COG5: variants seen among roughly 807,000 people sequenced by gnomAD.
The protein encoded by COG5 is component of oligomeric golgi complex 5.
A neutral mutation model predicts 110.4 loss-of-function variants in COG5; 86 were observed. The observed-to-expected ratio is 0.78, with a 90% CI of 0.65 to 0.93. The LOEUF is 0.93. Among genes scored for constraint, COG5 ranks in the 40% least tolerant of loss-of-function variants. The pLI is 0.00. For missense variants in COG5, 1,077 were observed against 987.0 expected (o/e 1.09, Z -1.22); for synonymous variants, 360 against 334.6 (o/e 1.08, Z -0.83).
intron 6 of COG5, among the ~76,000 whole-genome samples, chr7:107,455,858 A>C (rs1795634349): frequency 6.6e-6 from 1 of 150,878 alleles, no homozygotes; most frequent in African/African-American, 2.4e-5. Flanking sequence ...CACTGGTGCT[A>C]TCTCTGCACA....
intron 2 of COG5, among the ~76,000 whole-genome samples, chr7:107,555,846 T>C (rs766497082): frequency 6.6e-6 from 1 of 152,016 alleles, no homozygotes; most frequent in Non-Finnish European, 1.5e-5. Flanking sequence ...ATCCTGTCTC[T>C]ACTAAAAATA....
At chr7:107,495,565 T>C (rs952737848) in intron 6 of COG5, among the ~76,000 whole-genome samples, 2 of 152,040 alleles carry the variant, frequency 1.3e-5, no homozygotes, top group Non-Finnish European at 2.9e-5. Flanking sequence ...TGAGATAACA[T>C]GATCCATATG....
intron 6 of COG5, among the ~76,000 whole-genome samples, chr7:107,473,517 A>G (rs1440992548): frequency 6.6e-6 from 1 of 151,980 alleles, no homozygotes; most frequent in Non-Finnish European, 1.5e-5. Context: ...CAACATGGAT[A>G]AAGCATCTTA....
intron 19 of COG5, among the ~76,000 whole-genome samples, chr7:107,225,894 T>G (rs577766205): frequency 2.0e-5 from 3 of 152,164 alleles, no homozygotes; most frequent in Admixed American, 1.3e-4. Flanking sequence ...AATACAAAAA[T>G]TTGCCGGGCA....
chr7:107,272,097 T>C, intron 14 of COG5, among the ~76,000 whole-genome samples: 1 of 152,114 alleles, frequency 6.6e-6, no homozygotes, highest in East Asian at 1.9e-4. Flanking sequence ...TATTAGAGCA[T>C]TTTCCCAGAA....
At chr7:107,221,122 C>G (rs1361248779) in intron 19 of COG5, among the ~76,000 whole-genome samples, 1 of 151,946 alleles carries the variant, frequency 6.6e-6, no homozygotes, top group African/African-American at 2.4e-5. Context: ...TGGCTTCATG[C>G]CCTCACTTCT....
chr7:107,307,112 A>G (rs1464556952), intron 11 of COG5, among the ~76,000 whole-genome samples: 2 of 152,210 alleles, frequency 1.3e-5, no homozygotes, highest in Non-Finnish European at 2.9e-5. Context: ...GCTCCTTGTA[A>G]TAACAGTCTG....
intron 15 of COG5, among the ~76,000 whole-genome samples, chr7:107,256,995 C>T (rs1802939031): frequency 6.6e-6 from 1 of 152,056 alleles, no homozygotes; most frequent in African/African-American, 2.4e-5. Context: ...ATAAAGCAAA[C>T]ACATACTTCA....
intron 6 of COG5, among the ~76,000 whole-genome samples, chr7:107,453,468 T>C (rs1795472882): frequency 6.6e-6 from 1 of 152,202 alleles, no homozygotes; most frequent in South Asian, 2.1e-4. Flanking sequence ...AAACCAAATG[T>C]ATTTTATACT....
chr7:107,470,528 A>T (rs978209098), intron 6 of COG5: 1 of 152,126 alleles, frequency 6.6e-6, no homozygotes, highest in Non-Finnish European at 1.5e-5. Flanking sequence ...ATTTCAGCCT[A>T]AATTTTAAGA....
At chr7:107,387,010 A>T (rs1335394671) in intron 7 of COG5, among the ~76,000 whole-genome samples, 2 of 152,176 alleles carry the variant, frequency 1.3e-5, no homozygotes, top group Non-Finnish European at 2.9e-5. Context: ...ATAAATAGGT[A>T]AAAAGACAAG....
At chr7:107,368,177 A>C (rs1377496408) in intron 8 of COG5, among the ~76,000 whole-genome samples, 2 of 151,866 alleles carry the variant, frequency 1.3e-5, no homozygotes, top group Non-Finnish European at 2.9e-5. Flanking sequence ...TTCATTCACT[A>C]CTTTTAAATT....
intron 6 of COG5, among the ~76,000 whole-genome samples, chr7:107,503,949 T>C (rs1454236739): frequency 4.0e-5 from 4 of 100,650 alleles, no homozygotes; most frequent in Admixed American, 1.8e-4. Context: ...AGTGATAGTT[T>C]GACTTTCTTT....
In COG5 at chr7:107,412,766, T is replaced by C. The variant is rs548979141; in HGVS notation, c.539-134A>G. ...ACAGGGTTGCCATTCAAAATCCGTA[T>C]TTTAAAAAATACAGTTTCCCAAATA... is the stretch of plus-strand genomic sequence containing the variant. On this transcript the variant is annotated intron_variant, in intron 6 of 21. Coordinates refer to ENST00000297135, the MANE Select transcript of COG5 (RefSeq NM_006348.5). The C allele has an allele frequency of 1.6e-5, 10 of 620,362 alleles. No homozygotes were observed. The East Asian group carries it at 2.3e-4, about 14-fold the overall frequency. The allele number at this position is 620,362 out of a possible 1,614,324, so 38.4% of individuals were successfully genotyped here. A position where few individuals can be genotyped will look rare whatever the true frequency, so the allele number is the denominator to read the frequency against.
At chr7:107,538,626 T>C (rs905700862) in intron 5 of COG5, among the ~76,000 whole-genome samples, 1 of 152,146 alleles carries the variant, frequency 6.6e-6, no homozygotes, top group Non-Finnish European at 1.5e-5. Context: ...AGAATCTTCA[T>C]ACATTGTTGG....
At chr7:107,444,259 T>C (rs1474790806) in intron 6 of COG5, among the ~76,000 whole-genome samples, 1 of 152,226 alleles carries the variant, frequency 6.6e-6, no homozygotes, top group Non-Finnish European at 1.5e-5. Flanking sequence ...AACTGGCTGG[T>C]TGCAGGATAG....
At chr7:107,549,309 T>A (rs920421443) in intron 3 of COG5, 4 of 152,200 alleles carry the variant, frequency 2.6e-5, no homozygotes, top group African/African-American at 9.7e-5. Flanking sequence ...GTTGCCGAAT[T>A]CTATTGTTGG....
In COG5 at chr7:107,210,557, G is replaced by A; in HGVS notation, c.2344C>T (p.Pro782Ser). 1 of 1,604,128 alleles carries A rather than the reference G, an allele frequency of 6.2e-7. No homozygotes were observed. Among genetic ancestry groups the A allele is most frequent in the Non-Finnish European group, 8.5e-7 (1 of 1,175,536 alleles). Residue 782 changes from proline to serine, a missense_variant, in exon 21 of 22, where the codon CCA (proline) becomes TCA (serine). Physicochemically the swap from Pro to Ser is moderately conservative, Grantham distance 74. Coordinates refer to ENST00000297135, the MANE Select transcript of COG5 (RefSeq NM_006348.5). The part of the protein sequence containing the change: ...TRFSQWLDDH[P>S]SEKDRLLLIR... ...AGGAGGAGCCTGTCCTTTTCAGATGGATGGTCATCCAGCCACTGAGAGAAG... is the reference window on the plus strand; with the variant it reads ...AGGAGGAGCCTGTCCTTTTCAGATGAATGGTCATCCAGCCACTGAGAGAAG...
intron 11 of COG5, among the ~76,000 whole-genome samples, chr7:107,311,376 T>G (rs914598791): frequency 9.5e-5 from 3 of 31,534 alleles, no homozygotes; most frequent in Non-Finnish European, 1.5e-4. Context: ...TTACATTTTT[T>G]TTTTTTTTTT....
Sources: gnomAD v4.1 joint callset for allele counts (sites outside exome capture counted in the v4.1 genomes callset) on GRCh38, gnomAD v4.1.1 for gene constraint, MANE v1.5 for transcripts, NCBI Gene and HGNC (gene_info 2026-07-23, HGNC 2026-07-21) for gene names.